The following LOXL2 variants were observed in gnomAD, a reference collection of about 807,000 sequenced individuals.
LOXL2 encodes the protein lysyl oxidase like 2.
Under a neutral mutation model 93.0 loss-of-function variants are expected in LOXL2, and 70 were observed. That is an observed-to-expected ratio of 0.75 (90% CI 0.62 to 0.92). The LOEUF (loss-of-function observed/expected upper bound fraction) is 0.92. Ranked by LOEUF, LOXL2 falls within the 40% of genes least tolerant of loss-of-function variation. The pLI is 0.00. For missense variants in LOXL2, 973 were observed against 1,054.9 expected, an observed-to-expected ratio of 0.92 and a Z score of 1.08; for synonymous variants, 438 against 413.2, an observed-to-expected ratio of 1.06 and a Z score of -0.73.
chr8:23,353,884 T>C (rs1436800170), intron 3 of LOXL2, among the ~76,000 whole-genome samples: 1 of 152,160 alleles, frequency 6.6e-6, no homozygotes, highest in Non-Finnish European at 1.5e-5. Flanking sequence ...ACTTGCCCAG[T>C]TGTTCTGGAT....
chr8:23,307,666 G>C (rs547692816), intron 10 of LOXL2, among the ~76,000 whole-genome samples: 9 of 152,186 alleles, frequency 5.9e-5, no homozygotes, highest in African/African-American at 2.2e-4. Context: ...AGACCCATAG[G>C]CAGCGTCAGC....
At chr8:23,351,327 C>T (rs1455020561) in intron 3 of LOXL2, among the ~76,000 whole-genome samples, 1 of 152,162 alleles carries the variant, frequency 6.6e-6, no homozygotes, top group East Asian at 1.9e-4. Flanking sequence ...ATCACCAGAC[C>T]TCCCTGCAGA....
At chr8:23,332,957 A>G (rs1803729523) in intron 5 of LOXL2, among the ~76,000 whole-genome samples, 1 of 151,100 alleles carries the variant, frequency 6.6e-6, no homozygotes, top group Non-Finnish European at 1.5e-5. Context: ...TGACTAATGT[A>G]TAGATGACTT....
Position 23,360,204 on chromosome 8 carries a change from G to C in LOXL2, c.417C>G (p.Thr139=), listed in dbSNP as rs1804267219. The C allele has an allele frequency of 2.1e-5, 34 of 1,613,934 alleles. No individual in the cohort carries two copies. The highest frequency in any genetic ancestry group is 2.8e-5 in the Non-Finnish European group (33 of 1,179,940). Residue 139 remains threonine (T), a synonymous_variant, in exon 3 of 14, where the codon ACC becomes ACG. Transcript: ENST00000389131. ...AGTCAGTGACGCCCCAGCCATTGGA[G>C]GTGCATGCTGCAAGGGTCGCCTCGT... is the stretch of plus-strand genomic sequence containing the variant. ...TGNEATLAAC[T]SNGWGVTDCK...
intron 10 of LOXL2, among the ~76,000 whole-genome samples, chr8:23,304,885 T>C (rs1184271286): frequency 2.6e-5 from 4 of 152,130 alleles, no homozygotes; most frequent in South Asian, 2.1e-4. Flanking sequence ...AAGACAGCAA[T>C]GAACAGGATA....
At chr8:23,340,055 G>A (rs1373226937) in intron 4 of LOXL2, among the ~76,000 whole-genome samples, 1 of 152,204 alleles carries the variant, frequency 6.6e-6, no homozygotes, top group Non-Finnish European at 1.5e-5. Flanking sequence ...AAGAGACAGT[G>A]CTGTGAGTCT....
At chr8:23,320,124 C>G in intron 7 of LOXL2, 72 bp from the exon 8 acceptor site, 1 of 1,520,356 alleles carries the variant, frequency 6.6e-7, no homozygotes, top group Non-Finnish European at 9.0e-7. Flanking sequence ...GCCATCAGCC[C>G]CAGTGTCCTG....
At chr8:23,339,328 A>G (rs879290757) in intron 4 of LOXL2, among the ~76,000 whole-genome samples, 3 of 151,592 alleles carry the variant, frequency 2.0e-5, no homozygotes, top group Non-Finnish European at 4.4e-5. Flanking sequence ...AGCACCACCC[A>G]CCACCCCCTC....
At chr8:23,402,470 C>G (rs967060073) in intron 1 of LOXL2, 2 of 152,982 alleles carry the variant, frequency 1.3e-5, no homozygotes, top group Non-Finnish European at 2.9e-5. Context: ...AGGAACGGGA[C>G]AAAGGTGAGG....
chr8:23,357,370 T>C (rs1804217763), intron 3 of LOXL2, among the ~76,000 whole-genome samples: 1 of 152,162 alleles, frequency 6.6e-6, no homozygotes, highest in Admixed American at 6.5e-5. Context: ...GCGCCCGGCC[T>C]TTTTCAGTCT....
rs569548880 is a variant in LOXL2, at chr8:23,355,907, C to G, written c.531+4183G>C. 1.1e-4 allele frequency among the ~76,000 whole-genome samples: 16 copies of G among 152,052 alleles called. No individual in the cohort carries two copies. In the South Asian group the frequency reaches 2.7e-3, roughly 26 times the overall value. On this transcript the variant is annotated intron_variant, in intron 3 of 13. Coordinates refer to ENST00000389131, the MANE Select transcript of LOXL2 (RefSeq NM_002318.3). ...TACAGATGTGAGCCAACCCAACAGG[C>G]CTTTTAAAAAAAAAGATCAATAGTT...
At chr8:23,336,840 A>G (rs993280957) in intron 4 of LOXL2, 5 of 152,136 alleles carry the variant, frequency 3.3e-5, no homozygotes, top group Non-Finnish European at 7.4e-5. Context: ...CTTTTCTCCA[A>G]TGCACGCTCA....
intron 3 of LOXL2, among the ~76,000 whole-genome samples, chr8:23,356,912 G>C (rs1159878207): frequency 1.3e-5 from 2 of 152,090 alleles, no homozygotes; most frequent in Non-Finnish European, 2.9e-5. Context: ...AGGTTGTAAG[G>C]GCTGGAGGAC....
chr8:23,371,678 G>A (rs1166501514), intron 1 of LOXL2, among the ~76,000 whole-genome samples: 1 of 136,864 alleles, frequency 7.3e-6, no homozygotes, highest in East Asian at 2.4e-4. Context: ...CGTGAACCCA[G>A]GAGGTGGAGG....
chr8:23,297,235 A>G lies in LOXL2; in HGVS notation c.*808T>C, dbSNP rs570792711. 1 of 152,310 alleles carries G rather than the reference A, an allele frequency of 6.6e-6. No individual in the cohort carries two copies. Among genetic ancestry groups the G allele is most frequent in the African/African-American group, 2.4e-5 (1 of 41,556 alleles). The allele number at this position is 152,310 out of a possible 1,614,324, so 9.4% of individuals were successfully genotyped here. A position where few individuals can be genotyped will look rare whatever the true frequency, so the allele number is the denominator to read the frequency against. On this transcript the variant is annotated 3_prime_UTR_variant, in exon 14 of 14. Transcript: ENST00000389131. ...CAAGTATGTGTAAGTGTCTGTGATG[A>G]CACATGGTGCTCAGTGAGCGCCCTG...
chr8:23,313,687 A>G (rs1303195410), intron 9 of LOXL2, among the ~76,000 whole-genome samples: 2 of 150,746 alleles, frequency 1.3e-5, no homozygotes, highest in African/African-American at 2.4e-5. Context: ...CTAAAACCAT[A>G]AAAACCCTAG....
chr8:23,303,247 C>T (rs374684795), intron 11 of LOXL2, 35 bp downstream of exon 11: 1 of 1,355,914 alleles, frequency 7.4e-7, no homozygotes, highest in African/African-American at 1.4e-5. Context: ...TCGAGTCCCT[C>T]TGAGGCCTCC....
intron 6 of LOXL2, among the ~76,000 whole-genome samples, chr8:23,325,378 C>T (rs948073760): frequency 2.6e-5 from 4 of 152,120 alleles, no homozygotes; most frequent in Non-Finnish European, 5.9e-5. Context: ...TGCAGCCTAC[C>T]TCGAGGGCTC....
chr8:23,346,365 A>G (rs913518729), intron 3 of LOXL2, among the ~76,000 whole-genome samples: 1 of 152,062 alleles, frequency 6.6e-6, no homozygotes, highest in African/African-American at 2.4e-5. Context: ...AAAGACACAG[A>G]AACTCCAGGA....
Sources: gnomAD v4.1 joint callset for allele counts (sites outside exome capture counted in the v4.1 genomes callset) on GRCh38, gnomAD v4.1.1 for gene constraint, MANE v1.5 for transcripts, NCBI Gene and HGNC (gene_info 2026-07-23, HGNC 2026-07-21) for gene names.